Variants in ARSK observed in about 807,000 individuals in gnomAD.
The protein encoded by ARSK is arylsulfatase K.
A neutral mutation model predicts 53.2 loss-of-function variants in ARSK; 37 were observed. The ratio of observed to expected loss-of-function variants is 0.70; its 90% CI spans 0.54 to 0.92. The LOEUF is 0.92. Ranked by LOEUF, ARSK falls within the 40% of genes least tolerant of loss-of-function variation. The pLI, the probability that ARSK is intolerant of heterozygous loss-of-function variation, is 0.00. For synonymous variants in ARSK, 208 were observed against 223.2 expected, an observed-to-expected ratio of 0.93 and a Z score of 0.61; for missense variants, 613 against 643.0, an observed-to-expected ratio of 0.95 and a Z score of 0.51.
At chr5:95,590,389 G>A (rs1272233490) in intron 5 of ARSK, among the ~76,000 whole-genome samples, 1 of 152,100 alleles carries the variant, frequency 6.6e-6, no homozygotes, top group Non-Finnish European at 1.5e-5. Flanking sequence ...CAGGGGCATT[G>A]CTTGTTATGC....
At chr5:95,582,703 A>G (rs1749038219) in intron 3 of ARSK, among the ~76,000 whole-genome samples, 1 of 152,202 alleles carries the variant, frequency 6.6e-6, no homozygotes, top group Non-Finnish European at 1.5e-5. Flanking sequence ...TAAAGAACAC[A>G]TAAGTGAATA....
chr5:95,557,246 CT>C (rs1748538501), intron 1 of ARSK, among the ~76,000 whole-genome samples: 1 of 152,020 alleles, frequency 6.6e-6, no homozygotes, highest in Non-Finnish European at 1.5e-5. Context: ...AGACCACAGT[CT>C]GAGTGTTAGG....
intron 1 of ARSK, chr5:95,556,555 A>G (rs1442390316): frequency 3.4e-6 from 1 of 296,080 alleles, no homozygotes; most frequent in African/African-American, 2.1e-5. Flanking sequence ...TGTTGGGCAA[A>G]GCAGCTGTCT....
chr5:95,587,096 A>G (rs1749126506), intron 5 of ARSK, among the ~76,000 whole-genome samples: 1 of 152,206 alleles, frequency 6.6e-6, no homozygotes, highest in Non-Finnish European at 1.5e-5. Flanking sequence ...GAGATGAGAA[A>G]ATTTACTTGT....
chr5:95,567,814 C>G (rs1231418733), intron 2 of ARSK, 76 bp from the exon 3 acceptor site: 3 of 1,425,962 alleles, frequency 2.1e-6, no homozygotes, highest in Non-Finnish European at 2.8e-6. Flanking sequence ...GTGGACTGCT[C>G]TCTCAGAGTA....
At chr5:95,556,107 T>A in intron 1 of ARSK, 1 of 658,788 alleles carries the variant, frequency 1.5e-6, no homozygotes, top group South Asian at 1.7e-5. Context: ...AATATTAGTT[T>A]ATTATCACTC....
At position 95,566,034 on chromosome 5, in the gene ARSK, G is replaced by C. The variant is rs921795321; in HGVS notation, c.163G>C (p.Val55Leu). ...AACATTTCATCCAGGAAGTCAGGTA[G>C]TGAAACTTCCTTTTATCAACTTTAT... ...RLTFHPGSQVVKLPFINFMKT... is the reference protein window; with the variant it reads ...RLTFHPGSQVLKLPFINFMKT... Residue 55 changes from valine to leucine, a missense_variant, in exon 2 of 8, where the codon GTG (valine) becomes CTG (leucine). Transcript: ENST00000380009. 1 of 1,612,824 alleles carries C rather than the reference G, an allele frequency of 6.2e-7. No homozygotes were observed. The highest frequency in any genetic ancestry group is 8.5e-7 in the Non-Finnish European group (1 of 1,179,578).
chr5:95,579,734 C>G (rs1483293808), intron 3 of ARSK, among the ~76,000 whole-genome samples: 5 of 152,170 alleles, frequency 3.3e-5, no homozygotes, highest in Admixed American at 3.3e-4. Flanking sequence ...AGAAAAGCCC[C>G]TCTTATATTT....
chr5:95,589,628 G>A (rs554137714), intron 5 of ARSK, among the ~76,000 whole-genome samples: 11 of 152,258 alleles, frequency 7.2e-5, no homozygotes, highest in South Asian at 4.1e-4. Flanking sequence ...TTATGGCTGC[G>A]TAGTATTGCA....
intron 4 of ARSK, 149 bp from the exon 5 acceptor site, chr5:95,586,413 A>G (rs1749112256): frequency 1.6e-6 from 1 of 634,422 alleles, no homozygotes; most frequent in Non-Finnish European, 2.7e-6. Context: ...TAATTTATGT[A>G]TTGATTTGCT....
intron 1 of ARSK, 40 bp from the exon 2 acceptor site, chr5:95,565,958 G>A (rs2112415675): frequency 6.5e-7 from 1 of 1,531,856 alleles, no homozygotes; most frequent in East Asian, 2.3e-5. Context: ...TTTCTTCTTT[G>A]GTAATGTAAT....
Position 95,582,961 on chromosome 5 carries a change from A to T in ARSK, c.462A>T (p.Arg154Ser), listed in dbSNP as rs765962558. 5.0e-6 allele frequency: 8 copies of T among 1,612,750 alleles called. No homozygotes were observed. In the East Asian group the frequency reaches 1.3e-4, roughly 27 times the overall value. The change falls in exon 4 of 8, where the codon AGA (arginine) becomes AGT (serine). Residue 154 changes from arginine to serine, a missense_variant. Transcript: ENST00000380009. Reference sequence around the variant, plus strand: ...CAAGAGATGTTGCTTTCTTACTCAGACAAGAAGGCAGGCCCATGGTTAATC... The same window carrying T: ...CAAGAGATGTTGCTTTCTTACTCAGTCAAGAAGGCAGGCCCATGGTTAATC... ...AWTRDVAFLL[R>S]QEGRPMVNLI... is the part of the protein sequence containing the mutation.
At chr5:95,556,521 GGC>G (rs1242900125) in intron 1 of ARSK, 11 of 374,632 alleles carry the variant, frequency 2.9e-5, no homozygotes, top group Middle Eastern at 6.9e-4. Flanking sequence ...ACTGGTTGTG[GGC>G]TGCTCCTAGA....
intron 3 of ARSK, among the ~76,000 whole-genome samples, chr5:95,581,271 A>G (rs1205128397): frequency 6.6e-6 from 1 of 152,236 alleles, no homozygotes; most frequent in African/African-American, 2.4e-5. Context: ...TAAAAAAAAT[A>G]AGGAGAAGGC....
intron 1 of ARSK, among the ~76,000 whole-genome samples, chr5:95,561,886 GTGT>G (rs1748641780): frequency 6.6e-6 from 1 of 152,174 alleles, no homozygotes; most frequent in African/African-American, 2.4e-5. Flanking sequence ...GTTGTTTAGT[GTGT>G]TAATTATATC....
At chr5:95,577,637 G>T (rs1158891543) in intron 3 of ARSK, among the ~76,000 whole-genome samples, 1 of 152,136 alleles carries the variant, frequency 6.6e-6, no homozygotes, top group Non-Finnish European at 1.5e-5. Context: ...ATTCAAAGTT[G>T]TAAATATTAG....
At chr5:95,575,498 A>G (rs1437613611) in intron 3 of ARSK, among the ~76,000 whole-genome samples, 1 of 152,288 alleles carries the variant, frequency 6.6e-6, no homozygotes, top group African/African-American at 2.4e-5. Context: ...GATTCTTCCA[A>G]TCCATGAACA....
At chr5:95,589,114 T>G (rs1749169362) in intron 5 of ARSK, among the ~76,000 whole-genome samples, 1 of 152,186 alleles carries the variant, frequency 6.6e-6, no homozygotes, top group Admixed American at 6.5e-5. Context: ...AGTTGTTACC[T>G]CCTCAGGGAT....
At chr5:95,572,683 C>A (rs1554054398) in intron 3 of ARSK, among the ~76,000 whole-genome samples, 4 of 152,078 alleles carry the variant, frequency 2.6e-5, no homozygotes, top group Non-Finnish European at 5.9e-5. Context: ...GAGGCTGAGG[C>A]AGGAGAATGG....
Sources: allele counts gnomAD v4.1 joint callset (sites outside exome capture counted in the v4.1 genomes callset), GRCh38; gene constraint gnomAD v4.1.1; transcripts MANE v1.5; gene names NCBI Gene and HGNC (gene_info 2026-07-23, HGNC 2026-07-21).